Variants in CSMD1 observed in about 807,000 individuals in gnomAD.
CSMD1 encodes CUB and Sushi multiple domains 1.
Under a neutral mutation model 417.5 loss-of-function variants are expected in CSMD1, and 213 were observed. That is an observed-to-expected ratio of 0.51 (90% CI 0.46 to 0.57). The LOEUF (loss-of-function observed/expected upper bound fraction) is 0.57, where lower values mean the gene tolerates loss of function less well. Among genes scored for constraint, CSMD1 ranks in the 20% least tolerant of loss-of-function variants. CSMD1 has a pLI of 0.00. For missense variants in CSMD1, 6,923 were observed against 4,529.7 expected, an observed-to-expected ratio of 1.53 and a Z score of -15.17; for synonymous variants, 2,862 against 1,736.8, an observed-to-expected ratio of 1.65 and a Z score of -16.11.
At chr8:3,500,111 C>T (rs139053614) in intron 10 of CSMD1, among the ~76,000 whole-genome samples, 50 of 152,208 alleles carry the variant, frequency 3.3e-4, no homozygotes, top group African/African-American at 7.9e-4. Flanking sequence ...TGGCACTGAA[C>T]GGATCCTACC....
At chr8:4,528,171 G>T (rs748239537) in intron 2 of CSMD1, among the ~76,000 whole-genome samples, 2 of 152,076 alleles carry the variant, frequency 1.3e-5, no homozygotes, top group African/African-American at 4.8e-5. Context: ...CCTTGTTTTT[G>T]ACCTGTATTC....
At chr8:4,837,331 G>T (rs1356965072) in intron 1 of CSMD1, among the ~76,000 whole-genome samples, 1 of 152,160 alleles carries the variant, frequency 6.6e-6, no homozygotes, top group South Asian at 2.1e-4. Flanking sequence ...CAATAGCAGA[G>T]ATTTGGAAGC....
chr8:4,851,300 G>C (rs910857731), intron 1 of CSMD1, among the ~76,000 whole-genome samples: 3 of 151,872 alleles, frequency 2.0e-5, no homozygotes, highest in African/African-American at 7.3e-5. Flanking sequence ...TGACTGCATA[G>C]TATTCTATGG....
At chr8:3,473,615 T>A (rs1585216681) in intron 11 of CSMD1, among the ~76,000 whole-genome samples, 2 of 152,118 alleles carry the variant, frequency 1.3e-5, no homozygotes, top group African/African-American at 4.8e-5. Context: ...TTCAAAATAA[T>A]AATACCTGAA....
At chr8:3,091,400 T>G in intron 48 of CSMD1, 116 bp downstream of exon 48, 1 of 690,482 alleles carries the variant, frequency 1.4e-6, no homozygotes, top group Non-Finnish European at 2.2e-6. Flanking sequence ...CTGTAGTTAA[T>G]TATTAATCTT....
intron 3 of CSMD1, among the ~76,000 whole-genome samples, chr8:4,220,688 C>G (rs879639762): frequency 6.6e-6 from 1 of 152,134 alleles, no homozygotes. Flanking sequence ...AAGGGAAGAT[C>G]AAGAACATTT....
chr8:4,747,981 G>A (rs980329258), intron 1 of CSMD1, among the ~76,000 whole-genome samples: 11 of 152,094 alleles, frequency 7.2e-5, no homozygotes, highest in Non-Finnish European at 1.2e-4. Flanking sequence ...CCGTATATTG[G>A]CTCTGCTGAT....
At chr8:4,389,665 CTTTATT>C (rs1803712408) in intron 3 of CSMD1, among the ~76,000 whole-genome samples, 1 of 152,118 alleles carries the variant, frequency 6.6e-6, no homozygotes, top group African/African-American at 2.4e-5. Flanking sequence ...TAAACTCCAC[CTTTATT>C]TTTAATTTGG....
chr8:4,148,144 C>CA (rs1194359665), intron 3 of CSMD1, among the ~76,000 whole-genome samples: 1 of 152,108 alleles, frequency 6.6e-6, no homozygotes, highest in Non-Finnish European at 1.5e-5. Flanking sequence ...TGAAGCTCAA[C>CA]TTAGAGTCAA....
chr8:3,717,047 G>A (rs970110749), intron 6 of CSMD1, among the ~76,000 whole-genome samples: 4 of 152,060 alleles, frequency 2.6e-5, no homozygotes, highest in African/African-American at 7.2e-5. Context: ...TAGAAGCAGG[G>A]TTTGCTGTGG....
At chr8:3,452,377 G>A (rs144948291) in intron 12 of CSMD1, among the ~76,000 whole-genome samples, 4,475 of 152,264 alleles carry the variant, frequency 0.029, 118 homozygotes, top group East Asian at 0.11. Flanking sequence ...GTGAGAGAGG[G>A]CACTCCTGTC....
chr8:4,243,838 A>C (rs79368729), intron 3 of CSMD1, among the ~76,000 whole-genome samples: 2 of 152,188 alleles, frequency 1.3e-5, no homozygotes, highest in African/African-American at 4.8e-5. Context: ...ATGTATAAGA[A>C]AACAGAGTAG....
intron 1 of CSMD1, among the ~76,000 whole-genome samples, chr8:4,899,490 AAT>A (rs1176454421): frequency 6.6e-6 from 1 of 152,154 alleles, no homozygotes; most frequent in Non-Finnish European, 1.5e-5. Flanking sequence ...AAGAAATCCC[AAT>A]ATGTTAGATC....
In CSMD1 at chr8:4,127,252, T is replaced by A. The variant is rs534488408; in HGVS notation, c.416-95153A>T. Among the ~76,000 whole-genome samples, 10 of 152,072 alleles carry A rather than the reference T, an allele frequency of 6.6e-5. 1 individual carries two copies. The East Asian group carries it at 2.0e-3, about 30-fold the overall frequency. ...TGGCCTTACGGAAAGCTTCTAACACTACAGGCCCCGCTCCAGGTTATTCTC... is the reference window on the plus strand; with the variant it reads ...TGGCCTTACGGAAAGCTTCTAACACAACAGGCCCCGCTCCAGGTTATTCTC... On this transcript the variant is annotated intron_variant, in intron 3 of 69. Coordinates refer to ENST00000635120, the MANE Select transcript of CSMD1 (RefSeq NM_033225.6).
At chr8:3,683,249 A>T (rs1402218944) in intron 7 of CSMD1, among the ~76,000 whole-genome samples, 3 of 151,886 alleles carry the variant, frequency 2.0e-5, no homozygotes, top group South Asian at 4.1e-4. Flanking sequence ...AATAAATAAA[A>T]AAATAAAGAC....
chr8:3,789,444 T>G (rs1263404111), intron 5 of CSMD1, among the ~76,000 whole-genome samples: 18 of 2,834 alleles, frequency 6.4e-3, no homozygotes, highest in Admixed American at 0.062. Context: ...TTTTAAGTGT[T>G]TTTTTTTTTT....
intron 69 of CSMD1, among the ~76,000 whole-genome samples, chr8:2,941,434 G>A (rs1350838028): frequency 6.6e-6 from 1 of 152,022 alleles, no homozygotes; most frequent in Non-Finnish European, 1.5e-5. Context: ...TTATTTCAGG[G>A]GATCATAATT....
Position 3,206,296 on chromosome 8 carries a change from T to G in CSMD1, c.4868-676A>C, listed in dbSNP as rs117176952. 2.0e-3 allele frequency among the ~76,000 whole-genome samples: 275 copies of G among 135,186 alleles called. 4 individuals are homozygous for G. Among genetic ancestry groups the G allele is most frequent in the African/African-American group, 7.1e-3 (251 of 35,106 alleles). 88.7% of individuals were successfully genotyped at this position (135,186 alleles called of 152,430 possible). On this transcript the variant is annotated intron_variant, in intron 30 of 69. Transcript: ENST00000635120. ...ATGTCTCTGTGTGTATGTGTGTGTG[T>G]GGGGTGTGTGTGTATCTGTGTGTGT...
chr8:4,442,620 C>G (rs1175876846), intron 2 of CSMD1, among the ~76,000 whole-genome samples: 2 of 152,156 alleles, frequency 1.3e-5, no homozygotes, highest in African/African-American at 4.8e-5. Flanking sequence ...CAGAAGCAAG[C>G]CCTCTGGATT....
Sources: allele counts gnomAD v4.1 joint callset (sites outside exome capture counted in the v4.1 genomes callset), GRCh38; gene constraint gnomAD v4.1.1; transcripts MANE v1.5; gene names NCBI Gene and HGNC (gene_info 2026-07-23, HGNC 2026-07-21).